The following ZSWIM6 variants were observed in gnomAD, a reference collection of about 807,000 sequenced individuals.
ZSWIM6 encodes the protein zinc finger SWIM-type containing 6, also known as zinc finger SWIM domain-containing protein 6.
A neutral mutation model predicts 113.2 loss-of-function variants in ZSWIM6; 9 were observed. The ratio of observed to expected loss-of-function variants is 0.08; its 90% CI spans 0.05 to 0.14. The LOEUF (loss-of-function observed/expected upper bound fraction) is 0.14, where lower values mean the gene tolerates loss of function less well. Ranked by LOEUF, ZSWIM6 falls within the 10% of genes least tolerant of loss-of-function variation. The pLI, the probability that ZSWIM6 is intolerant of heterozygous loss-of-function variation, is 1.00. For synonymous variants in ZSWIM6, 611 were observed against 606.5 expected (o/e 1.01, Z -0.11); for missense variants, 1,162 against 1,552.2 (o/e 0.75, Z 4.22).
intron 1 of ZSWIM6, among the ~76,000 whole-genome samples, chr5:61,458,237 T>G (rs1487631915): frequency 2.0e-5 from 3 of 152,136 alleles, no homozygotes; most frequent in Non-Finnish European, 4.4e-5. Flanking sequence ...TCAAAAGTAT[T>G]TATTATAAAC....
chr5:61,543,146 A>T lies in ZSWIM6; in HGVS notation c.2786-309A>T, dbSNP rs1749787192. ...CAAATTCTGACAGGAAGCCCCAGTG[A>T]AGTAGAACTCATTAGCAAAAAGCCA... On this transcript the variant is annotated intron_variant, in intron 13 of 13. Transcript: ENST00000252744. This position sits in a 1 kb window ranked among gnomAD's most constrained non-coding sequence, Gnocchi z 4.3. 6.6e-6 allele frequency among the ~76,000 whole-genome samples: 1 copy of T among 152,200 alleles called. No homozygotes were observed. Among genetic ancestry groups the T allele is most frequent in the Non-Finnish European group, 1.5e-5 (1 of 68,036 alleles).
In ZSWIM6 at chr5:61,472,033, AT is replaced by A. The variant is rs1364312942; in HGVS notation, c.677-647del. Among the ~76,000 whole-genome samples the A allele has an allele frequency of 1.3e-5, 2 of 152,192 alleles. No individual in the cohort carries two copies. Among genetic ancestry groups the A allele is most frequent in the Admixed American group, 6.5e-5 (1 of 15,276 alleles). On this transcript the variant is annotated intron_variant, in intron 1 of 13. Transcript: ENST00000252744. This position sits in a 1 kb window ranked among gnomAD's most constrained non-coding sequence, Gnocchi z 4.1. ...TTATGAGTTATTTAGGTGGTAGTGT[AT>A]ATGAGATTTGGTGGGCCTTGCAATT...
chr5:61,514,382 A>G (rs1265730332), intron 4 of ZSWIM6, among the ~76,000 whole-genome samples: 1 of 148,000 alleles, frequency 6.8e-6, no homozygotes, highest in Non-Finnish European at 1.5e-5. Context: ...CCCTTGCTTT[A>G]TTGGCCTGTC....
In ZSWIM6 at chr5:61,494,318, C is replaced by T; in HGVS notation, c.1241C>T (p.Thr414Ile). The T allele has an allele frequency of 6.4e-7, 1 of 1,551,104 alleles. No individual in the cohort carries two copies. Among genetic ancestry groups the T allele is most frequent in the Non-Finnish European group, 8.7e-7 (1 of 1,146,590 alleles). Residue 414 changes from threonine to isoleucine, a missense_variant, in exon 4 of 14, where the codon ACA (threonine) becomes ATA (isoleucine). By Grantham distance (89) the Thr-to-Ile change is moderately conservative. Around this residue, in one of 4 missense-constraint regions of ZSWIM6, gnomAD observed 96 missense variants for 240.3 expected, o/e 0.40. Transcript: ENST00000252744. Reference protein sequence around the residue: ...SNGARMLTLITEQFMADPRLS... With the variant: ...SNGARMLTLIIEQFMADPRLS... The stretch of plus-strand genomic sequence containing the variant: ...GGGGCCCGCATGTTGACCTTGATAA[C>T]AGAGCAATTCATGGCTGACCCTCGC...
In ZSWIM6 at chr5:61,467,388, G is replaced by A. The variant is rs143877900; in HGVS notation, c.677-5293G>A. Among the ~76,000 whole-genome samples the A allele has an allele frequency of 5.6e-4, 86 of 152,238 alleles. No homozygotes were observed. The East Asian group carries it at 0.012, about 21-fold the overall frequency. Reference sequence around the variant, plus strand: ...TAATGTCTGTATCAAAAGAGAGCTGGACTTTGCTGTCTGTCTCTGTATTCA... The same window carrying A: ...TAATGTCTGTATCAAAAGAGAGCTGAACTTTGCTGTCTGTCTCTGTATTCA... On this transcript the variant is annotated intron_variant, in intron 1 of 13. Coordinates refer to ENST00000252744, the MANE Select transcript of ZSWIM6 (RefSeq NM_020928.2).
intron 1 of ZSWIM6, among the ~76,000 whole-genome samples, chr5:61,434,127 A>G (rs1746646791): frequency 6.8e-6 from 1 of 147,410 alleles, no homozygotes. Context: ...AAATATATGT[A>G]TAATATATAC....
chr5:61,414,886 T>G (rs918286302), intron 1 of ZSWIM6, among the ~76,000 whole-genome samples: 2 of 152,268 alleles, frequency 1.3e-5, no homozygotes, highest in African/African-American at 4.8e-5. Flanking sequence ...TAAAAAATGT[T>G]GAACACTGTG....
chr5:61,332,436 CG>C lies in ZSWIM6; in HGVS notation c.166del (p.Ala56ArgfsTer54). 1 of 1,011,020 alleles carries C rather than the reference CG, an allele frequency of 9.9e-7. No individual in the cohort carries two copies. The allele number at this position is 1,011,020 out of a possible 1,614,324, so 62.6% of individuals were successfully genotyped here. ...GPRAGGAAAA[A>X]ACGGGAALGL... is the part of the protein sequence containing the mutation. ...CGGGCGGGTGGCGCGGCGGCGGCGG[CG>C]GCGTGCGGGGGCGGCGCGGCGCTGG... On this transcript the variant is annotated frameshift_variant, in exon 1 of 14. Coordinates refer to ENST00000252744, the MANE Select transcript of ZSWIM6 (RefSeq NM_020928.2). LOFTEE classifies it high-confidence loss of function.
At chr5:61,541,819 C>CT (rs200160623) in intron 12 of ZSWIM6, 65 bp from the exon 13 acceptor site, 2 of 1,341,494 alleles carry the variant, frequency 1.5e-6, no homozygotes, top group African/African-American at 2.9e-5. Context: ...ATAGTTTATC[C>CT]CCCCCCTTTT....
chr5:61,452,303 A>G (rs1747100991), intron 1 of ZSWIM6, among the ~76,000 whole-genome samples: 1 of 152,164 alleles, frequency 6.6e-6, no homozygotes, highest in Non-Finnish European at 1.5e-5. Context: ...CTATATGAAT[A>G]TATTACAGCT....
At chr5:61,457,789 C>T (rs1326226018) in intron 1 of ZSWIM6, among the ~76,000 whole-genome samples, 1 of 152,132 alleles carries the variant, frequency 6.6e-6, no homozygotes, top group Non-Finnish European at 1.5e-5. Flanking sequence ...TCCTAAAGTG[C>T]TGGGATTACA....
intron 1 of ZSWIM6, among the ~76,000 whole-genome samples, chr5:61,382,181 C>T (rs887662360): frequency 6.6e-6 from 1 of 152,218 alleles, no homozygotes; most frequent in Admixed American, 6.5e-5. Context: ...ATTCTCTCCA[C>T]ACATAGCTGT....
rs377574172 is a variant in ZSWIM6 at position 61,406,472 on chromosome 5, A to G, written c.677-66209A>G. 2.6e-5 allele frequency among the ~76,000 whole-genome samples: 4 copies of G among 152,092 alleles called. No individual in the cohort carries two copies. The East Asian group carries it at 7.7e-4, about 29-fold the overall frequency. ...CTCATTCCTCACTCATTTTTCCTTA[A>G]AGAATATATTAAAAGGCAAAGTTGT... is the stretch of plus-strand genomic sequence containing the variant. On this transcript the variant is annotated intron_variant, in intron 1 of 13. Coordinates refer to ENST00000252744, the MANE Select transcript of ZSWIM6 (RefSeq NM_020928.2).
intron 1 of ZSWIM6, among the ~76,000 whole-genome samples, chr5:61,464,322 C>T (rs1193797182): frequency 2.0e-5 from 3 of 151,596 alleles, no homozygotes; most frequent in Non-Finnish European, 4.4e-5. Flanking sequence ...TGCCTTGCCT[C>T]CCTCATCTTT....
chr5:61,502,505 C>G (rs565082180), intron 4 of ZSWIM6, among the ~76,000 whole-genome samples: 1 of 152,282 alleles, frequency 6.6e-6, no homozygotes, highest in African/African-American at 2.4e-5. Flanking sequence ...CACATTACTA[C>G]TAGGGTTTTC....
In ZSWIM6 at chr5:61,334,466, CTT is replaced by C. The variant is rs1744346281; in HGVS notation, c.676+1522_676+1523del. Among the ~76,000 whole-genome samples the C allele has an allele frequency of 1.3e-5, 2 of 152,144 alleles. 1 individual carries two copies. The highest frequency in any genetic ancestry group is 4.1e-4 in the South Asian group (2 of 4,828). On this transcript the variant is annotated intron_variant, in intron 1 of 13. Transcript: ENST00000252744. ...TATCTCTTTGATTGTTAACTTAATC[CTT>C]TTTCTCTTTCTGTAGTCAGTTCCTT...
At chr5:61,412,253 T>C (rs1429862830) in intron 1 of ZSWIM6, among the ~76,000 whole-genome samples, 1 of 152,216 alleles carries the variant, frequency 6.6e-6, no homozygotes, top group Non-Finnish European at 1.5e-5. Context: ...TATGCAGGAA[T>C]AGAACTTCTG....
In ZSWIM6 at chr5:61,391,898, C is replaced by CA. The variant is rs528296293; in HGVS notation, c.676+58956dup. On this transcript the variant is annotated intron_variant, in intron 1 of 13. Coordinates refer to ENST00000252744, the MANE Select transcript of ZSWIM6 (RefSeq NM_020928.2). ...ATGCCATCAAATCCTGCCGGTAGAG[C>CA]AAAAAATGGTATTTTCAAAACTTTT... 237 of 590,900 alleles carry CA rather than the reference C, an allele frequency of 4.0e-4. 2 individuals carry two copies. In the African/African-American group the frequency reaches 4.1e-3, roughly 10 times the overall value. 36.6% of individuals were successfully genotyped at this position (590,900 alleles called of 1,614,324 possible).
At chr5:61,459,745 A>C (rs147389626) in intron 1 of ZSWIM6, among the ~76,000 whole-genome samples, 2 of 152,222 alleles carry the variant, frequency 1.3e-5, no homozygotes, top group African/African-American at 2.4e-5. Flanking sequence ...TCTAAGTGCC[A>C]CCAGATCTTA....
Sources: gnomAD v4.1 joint callset for allele counts (sites outside exome capture counted in the v4.1 genomes callset) on GRCh38, gnomAD v4.1.1 for gene constraint, gnomAD v4.1.1 regional missense constraint, Gnocchi (gnomAD v3.1) non-coding constraint, MANE v1.5 for transcripts, NCBI Gene and HGNC (gene_info 2026-07-23, HGNC 2026-07-21) for gene names.